Variants in LMBRD1 observed in about 807,000 individuals in gnomAD.
The protein encoded by LMBRD1 is LMBR1 domain containing 1, also known as lysosomal cobalamin transport escort protein LMBD1.
Under a neutral mutation model 74.8 loss-of-function variants are expected in LMBRD1, and 64 were observed. The ratio of observed to expected loss-of-function variants is 0.86; its 90% CI spans 0.70 to 1.05. The LOEUF (loss-of-function observed/expected upper bound fraction) is 1.05. Among genes scored for constraint, LMBRD1 ranks in the 50% least tolerant of loss-of-function variants. The pLI is 0.00. For missense variants in LMBRD1, 652 were observed against 645.9 expected, an observed-to-expected ratio of 1.01 and a Z score of -0.10; for synonymous variants, 204 against 216.3, an observed-to-expected ratio of 0.94 and a Z score of 0.50.
chr6:69,692,281 T>TCA (rs1221394804), intron 14 of LMBRD1, among the ~76,000 whole-genome samples: 1 of 62,882 alleles, frequency 1.6e-5, no homozygotes, highest in Non-Finnish European at 4.2e-5. Context: ...GCGCTCTCTC[T>TCA]CTCTCTCGCT....
At chr6:69,775,561 T>C (rs1310561546) in intron 3 of LMBRD1, among the ~76,000 whole-genome samples, 1 of 152,200 alleles carries the variant, frequency 6.6e-6, no homozygotes, top group Non-Finnish European at 1.5e-5. Flanking sequence ...ATCAAGATAG[T>C]AGACTCAAAT....
At chr6:69,731,202 T>C (rs975545150) in intron 7 of LMBRD1, among the ~76,000 whole-genome samples, 1 of 151,972 alleles carries the variant, frequency 6.6e-6, no homozygotes, top group Non-Finnish European at 1.5e-5. Context: ...GATTAATGGG[T>C]ACAAAAGTAC....
intron 3 of LMBRD1, among the ~76,000 whole-genome samples, chr6:69,780,189 T>A (rs1017924513): frequency 6.7e-6 from 1 of 150,092 alleles, no homozygotes; most frequent in Non-Finnish European, 1.5e-5. Flanking sequence ...CTGAGCCCTA[T>A]GCAAATCAAA....
At chr6:69,752,201 A>G in intron 4 of LMBRD1, 58 bp downstream of exon 4, 2 of 1,532,002 alleles carry the variant, frequency 1.3e-6, no homozygotes, top group Non-Finnish European at 1.8e-6. Flanking sequence ...TTCTCTGAAA[A>G]AGCAGGTAAT....
At chr6:69,680,409 C>T (rs989654745) in intron 14 of LMBRD1, among the ~76,000 whole-genome samples, 2 of 152,032 alleles carry the variant, frequency 1.3e-5, no homozygotes, top group Non-Finnish European at 2.9e-5. Context: ...AGGGCCAGAA[C>T]AGGGCTAACA....
intron 8 of LMBRD1, among the ~76,000 whole-genome samples, chr6:69,717,533 C>G (rs9346335): frequency 0.36 from 55,364 of 152,070 alleles, 10,617 homozygotes; most frequent in East Asian, 0.54. Flanking sequence ...AGCAAATACT[C>G]TGACATCTAC....
chr6:69,786,493 T>G lies in LMBRD1; in HGVS notation c.246+3803A>C, dbSNP rs1029873516. On this transcript the variant is annotated intron_variant, in intron 2 of 15. Coordinates refer to ENST00000649934, the MANE Select transcript of LMBRD1 (RefSeq NM_018368.4). ...TCATATTAGTGTCGATTTCTTTTTT[T>G]TTTTACTATTGGATCAGTATATTTC... Among the ~76,000 whole-genome samples the G allele has an allele frequency of 3.3e-5, 5 of 151,926 alleles. No individual in the cohort carries two copies. In the East Asian group the frequency reaches 9.6e-4, roughly 29 times the overall value.
intron 7 of LMBRD1, 69 bp from the exon 8 acceptor site, chr6:69,719,150 A>C (rs1375305868): frequency 6.7e-7 from 1 of 1,483,958 alleles, no homozygotes; most frequent in African/African-American, 1.4e-5. Flanking sequence ...TTTTAGGTTA[A>C]AAATGTCTTT....
intron 14 of LMBRD1, among the ~76,000 whole-genome samples, chr6:69,694,189 CA>C (rs1765947035): frequency 6.6e-6 from 1 of 152,060 alleles, no homozygotes; most frequent in Non-Finnish European, 1.5e-5. Context: ...AATATCAGGG[CA>C]TTTTAAAGGC....
At chr6:69,774,056 A>G (rs1375770921) in intron 3 of LMBRD1, among the ~76,000 whole-genome samples, 2 of 152,172 alleles carry the variant, frequency 1.3e-5, no homozygotes, top group African/African-American at 2.4e-5. Flanking sequence ...CTGCGTCCCC[A>G]CTTAAATCTC....
intron 5 of LMBRD1, among the ~76,000 whole-genome samples, chr6:69,744,685 T>C (rs1767179137): frequency 6.6e-6 from 1 of 152,206 alleles, no homozygotes; most frequent in Non-Finnish European, 1.5e-5. Context: ...AAATAGCTTA[T>C]GTTTCTTCCT....
chr6:69,786,973 A>C (rs746039437), intron 2 of LMBRD1, among the ~76,000 whole-genome samples: 4 of 152,212 alleles, frequency 2.6e-5, no homozygotes, highest in Non-Finnish European at 5.9e-5. Flanking sequence ...TTCATTTAGG[A>C]ATTTCAAATG....
In LMBRD1 at chr6:69,775,039, G is replaced by A. The variant is rs986556442; in HGVS notation, c.307+5455C>T. ...GGAGGGAGGGAGGGAGGGAGGGAAG[G>A]AAGGAAAAGATGAAGAACTAAATAA... is the stretch of plus-strand genomic sequence containing the variant. On this transcript the variant is annotated intron_variant, in intron 3 of 15. Transcript: ENST00000649934. 1.4e-5 allele frequency among the ~76,000 whole-genome samples: 2 copies of A among 147,594 alleles called. 1 individual carries two copies. Among genetic ancestry groups the A allele is most frequent in the Non-Finnish European group, 3.0e-5 (2 of 66,626 alleles).
chr6:69,747,453 G>A (rs1329525177), intron 5 of LMBRD1, among the ~76,000 whole-genome samples: 2 of 152,316 alleles, frequency 1.3e-5, no homozygotes, highest in Non-Finnish European at 2.9e-5. Context: ...ACCTTGTTAT[G>A]GCAGCCAAAG....
At chr6:69,764,213 G>A (rs75629967) in intron 3 of LMBRD1, among the ~76,000 whole-genome samples, 183 of 152,272 alleles carry the variant, frequency 1.2e-3, no homozygotes, top group African/African-American at 4.2e-3. Flanking sequence ...ACTTGGAGAT[G>A]AGGCCTTTGG....
intron 7 of LMBRD1, among the ~76,000 whole-genome samples, chr6:69,728,146 C>T (rs1383043681): frequency 6.6e-6 from 1 of 152,054 alleles, no homozygotes; most frequent in Admixed American, 6.5e-5. Context: ...GAAGCCAGCA[C>T]GTTATATGTT....
At chr6:69,699,828 A>G (rs1374483300) in intron 12 of LMBRD1, among the ~76,000 whole-genome samples, 1 of 151,852 alleles carries the variant, frequency 6.6e-6, no homozygotes, top group Non-Finnish European at 1.5e-5. Context: ...CTATTGTAGT[A>G]CAGACTCCAG....
intron 7 of LMBRD1, among the ~76,000 whole-genome samples, chr6:69,724,459 C>G (rs1181956968): frequency 2.1e-5 from 3 of 142,018 alleles, no homozygotes; most frequent in Non-Finnish European, 3.1e-5. Context: ...TCATTATGAC[C>G]AAGTGGGATT....
In LMBRD1 at chr6:69,796,975, C is replaced by G; in HGVS notation, c.-94G>C. Reference sequence around the variant, plus strand: ...CGCGAGATATACTGCACCCGCGCACCCTAAAGGTTAAAGGGGCGGAGGGGG... The same window carrying G: ...CGCGAGATATACTGCACCCGCGCACGCTAAAGGTTAAAGGGGCGGAGGGGG... On this transcript the variant is annotated 5_prime_UTR_variant, in exon 1 of 16. Transcript: ENST00000649934. 9.0e-7 allele frequency: 1 copy of G among 1,106,516 alleles called. No individual in the cohort carries two copies. Among genetic ancestry groups the G allele is most frequent in the Non-Finnish European group, 1.3e-6 (1 of 744,760 alleles). 68.5% of individuals were successfully genotyped at this position (1,106,516 alleles called of 1,614,324 possible). A position where few individuals can be genotyped will look rare whatever the true frequency, so the allele number is the denominator to read the frequency against.
Sources: gnomAD v4.1 joint callset for allele counts (sites outside exome capture counted in the v4.1 genomes callset) on GRCh38, gnomAD v4.1.1 for gene constraint, MANE v1.5 for transcripts, NCBI Gene and HGNC (gene_info 2026-07-23, HGNC 2026-07-21) for gene names.